SEMA5B: variants seen among roughly 807,000 people sequenced by gnomAD.
The protein encoded by SEMA5B is semaphorin 5B.
SEMA5B carries 66 observed loss-of-function variants against 135.0 expected under a neutral mutation model. The observed-to-expected ratio is 0.49, with a 90% CI of 0.40 to 0.60. The LOEUF (loss-of-function observed/expected upper bound fraction) is 0.60. Among genes scored for constraint, SEMA5B ranks in the 20% least tolerant of loss-of-function variants. SEMA5B has a pLI of 0.00. For missense variants in SEMA5B, 1,501 were observed against 1,566.3 expected (o/e 0.96, Z 0.70); for synonymous variants, 690 against 639.5 (o/e 1.08, Z -1.19).
At chr3:122,911,363 C>T (rs1937690259) in intron 21 of SEMA5B, 128 bp downstream of exon 21, 1 of 1,548,204 alleles carries the variant, frequency 6.5e-7, no homozygotes, top group African/African-American at 1.4e-5. Context: ...TACACACCAT[C>T]TCAAAGCAGT....
chr3:122,984,476 T>C (rs1294330329), intron 1 of SEMA5B, among the ~76,000 whole-genome samples: 1 of 152,250 alleles, frequency 6.6e-6, no homozygotes, highest in African/African-American at 2.4e-5. Flanking sequence ...CACGTCCGTC[T>C]GTGGCTTCTG....
At chr3:123,023,132 T>C (rs1401537721) in intron 1 of SEMA5B, among the ~76,000 whole-genome samples, 1 of 152,188 alleles carries the variant, frequency 6.6e-6, no homozygotes, top group African/African-American at 2.4e-5. Context: ...AAGCTATAAA[T>C]GAAGGGCTCA....
intron 1 of SEMA5B, among the ~76,000 whole-genome samples, chr3:122,989,880 C>A (rs1244829036): frequency 1.3e-5 from 2 of 152,130 alleles, no homozygotes; most frequent in African/African-American, 4.8e-5. Flanking sequence ...CAAACTGATT[C>A]TGCGTAGTTA....
intron 1 of SEMA5B, among the ~76,000 whole-genome samples, chr3:123,018,292 T>C (rs1942605372): frequency 6.6e-6 from 1 of 152,258 alleles, no homozygotes; most frequent in Non-Finnish European, 1.5e-5. Context: ...TAGGTTCCTG[T>C]ACTTTTCACT....
At chr3:123,015,949 T>G (rs1193832455) in intron 1 of SEMA5B, among the ~76,000 whole-genome samples, 1 of 152,220 alleles carries the variant, frequency 6.6e-6, no homozygotes, top group African/African-American at 2.4e-5. Context: ...CATCTATGGC[T>G]TCGGCAGATT....
intron 5 of SEMA5B, among the ~76,000 whole-genome samples, chr3:122,931,822 G>A (rs1938987889): frequency 6.6e-6 from 1 of 152,134 alleles, no homozygotes; most frequent in African/African-American, 2.4e-5. Flanking sequence ...ACCAAAAGAT[G>A]CCTACAGGTT....
At chr3:122,951,096 G>A (rs1043562686) in intron 2 of SEMA5B, among the ~76,000 whole-genome samples, 1 of 152,130 alleles carries the variant, frequency 6.6e-6, no homozygotes, top group African/African-American at 2.4e-5. Flanking sequence ...ATCATGCCTG[G>A]CTAGAGGGGC....
chr3:122,910,562 C>A (rs573208641), intron 22 of SEMA5B, among the ~76,000 whole-genome samples: 1 of 152,278 alleles, frequency 6.6e-6, no homozygotes, highest in Non-Finnish European at 1.5e-5. Flanking sequence ...GTAATCCCAG[C>A]ACTTTGGGAG....
chr3:122,978,547 A>G (rs191344851), intron 1 of SEMA5B, among the ~76,000 whole-genome samples: 39 of 152,152 alleles, frequency 2.6e-4, no homozygotes, highest in African/African-American at 9.2e-4. Flanking sequence ...TTACAGCTAA[A>G]TAGGTAACTG....
rs1553785271 is a variant in SEMA5B, at chr3:122,997,518, T to TCCCCCCC, written c.-39+29939_-39+29945dup. 5.6e-4 allele frequency among the ~76,000 whole-genome samples: 80 copies of TCCCCCCC among 142,744 alleles called. 1 individual carries two copies. Among genetic ancestry groups the TCCCCCCC allele is most frequent in the South Asian group, 1.4e-3 (6 of 4,310 alleles). 93.6% of individuals were successfully genotyped at this position (142,744 alleles called of 152,430 possible). ...GCTACCTGGCTGGTCCCCAGGCCTCTCCCCCCCCCGTCTCCACCAGGGCAT... is the reference window on the plus strand; with the variant it reads ...GCTACCTGGCTGGTCCCCAGGCCTCTCCCCCCCCCCCCCCCCGTCTCCACCAGGGCAT... On this transcript the variant is annotated intron_variant, in intron 1 of 22. Coordinates refer to ENST00000357599, the MANE Select transcript of SEMA5B (RefSeq NM_001031702.4).
intron 2 of SEMA5B, among the ~76,000 whole-genome samples, chr3:122,959,657 C>G (rs982759685): frequency 2.0e-5 from 3 of 152,178 alleles, no homozygotes; most frequent in African/African-American, 7.2e-5. Flanking sequence ...GTGTAGAAGA[C>G]AGACATGTGG....
intron 1 of SEMA5B, among the ~76,000 whole-genome samples, chr3:122,969,153 G>T (rs1941007255): frequency 6.6e-6 from 1 of 152,140 alleles, no homozygotes. Context: ...AAGCTTTACT[G>T]CCTCTTTTCA....
intron 21 of SEMA5B, 21 bp from the exon 22 acceptor site, chr3:122,911,066 A>T (rs1937668844): frequency 3.8e-6 from 6 of 1,587,702 alleles, no homozygotes; most frequent in Non-Finnish European, 5.2e-6. Context: ...AGAGGCAGGT[A>T]GTAAGATGAG....
upstream of SEMA5B, chr3:123,028,556 CA>C (rs1553789812): frequency 1.3e-5 from 2 of 152,194 alleles, no homozygotes; most frequent in Non-Finnish European, 1.5e-5. Flanking sequence ...GGAGCGTTCT[CA>C]GCTGAGGACG....
At chr3:122,963,042 T>C (rs541912261) in intron 1 of SEMA5B, among the ~76,000 whole-genome samples, 27 of 152,184 alleles carry the variant, frequency 1.8e-4, no homozygotes, top group Non-Finnish European at 3.5e-4. Context: ...AAGAGTCGTA[T>C]GTGTGTCTGT....
At chr3:122,959,844 T>C (rs558755835) in intron 2 of SEMA5B, among the ~76,000 whole-genome samples, 1 of 152,324 alleles carries the variant, frequency 6.6e-6, no homozygotes, top group South Asian at 2.1e-4. Context: ...GGTAATATCA[T>C]GAGTAGGATT....
intron 1 of SEMA5B, among the ~76,000 whole-genome samples, chr3:122,983,885 C>T (rs1941614200): frequency 6.6e-6 from 1 of 152,006 alleles, no homozygotes; most frequent in Non-Finnish European, 1.5e-5. Flanking sequence ...ATTATCTTAC[C>T]CCTGCTGTGG....
At chr3:122,913,812 G>A (rs751691285) in intron 15 of SEMA5B, 46 bp downstream of exon 15, 1 of 1,566,576 alleles carries the variant, frequency 6.4e-7, no homozygotes, top group Non-Finnish European at 8.7e-7. Context: ...ACTTTCTGGG[G>A]GGCCCGGTTA....
chr3:122,916,712 G>A (rs1310462770), intron 12 of SEMA5B, among the ~76,000 whole-genome samples: 3 of 152,180 alleles, frequency 2.0e-5, no homozygotes, highest in African/African-American at 7.2e-5. Context: ...CACAGCGCAG[G>A]ATCGGCAGAC....
Sources: allele counts gnomAD v4.1 joint callset (sites outside exome capture counted in the v4.1 genomes callset), GRCh38; gene constraint gnomAD v4.1.1; transcripts MANE v1.5; gene names NCBI Gene and HGNC (gene_info 2026-07-23, HGNC 2026-07-21).